Variants in BABAM2 observed in about 807,000 individuals in gnomAD.
BABAM2 encodes the protein BRISC and BRCA1-A complex member 2.
Under a neutral mutation model 54.7 loss-of-function variants are expected in BABAM2, and 31 were observed. The ratio of observed to expected loss-of-function variants is 0.57; its 90% CI spans 0.43 to 0.77. The LOEUF is 0.77. Among genes scored for constraint, BABAM2 ranks in the 30% least tolerant of loss-of-function variants. The pLI is 0.00. For synonymous variants in BABAM2, 167 were observed against 162.9 expected (o/e 1.03, Z -0.19); for missense variants, 364 against 455.8 (o/e 0.80, Z 1.83).
At chr2:28,050,209 A>T (rs550029049) in intron 6 of BABAM2, among the ~76,000 whole-genome samples, 4 of 152,340 alleles carry the variant, frequency 2.6e-5, no homozygotes, top group African/African-American at 9.6e-5. Context: ...TGTTGTTAAT[A>T]TGAAAAACTA....
chr2:27,986,995 T>G (rs1672443985), intron 3 of BABAM2, among the ~76,000 whole-genome samples: 1 of 152,200 alleles, frequency 6.6e-6, no homozygotes, highest in Non-Finnish European at 1.5e-5. Context: ...CTAAATTTGC[T>G]AATGAGACTT....
chr2:28,302,155 G>A (rs751638428), intron 11 of BABAM2, among the ~76,000 whole-genome samples: 13 of 152,206 alleles, frequency 8.5e-5, no homozygotes, highest in Middle Eastern at 3.4e-3. Context: ...CAGTCATCAC[G>A]TCTGTTCTCC....
chr2:28,127,251 A>G (rs560862398), intron 6 of BABAM2, among the ~76,000 whole-genome samples: 27 of 152,322 alleles, frequency 1.8e-4, no homozygotes, highest in Non-Finnish European at 3.4e-4. Flanking sequence ...GGAAGTGGCC[A>G]AAGAGACAAG....
intron 4 of BABAM2, among the ~76,000 whole-genome samples, chr2:28,020,875 G>T (rs1184834055): frequency 2.7e-5 from 4 of 150,696 alleles, no homozygotes; most frequent in Admixed American, 6.6e-5. Context: ...TTAGTTATTT[G>T]CAGATTAGCT....
chr2:28,172,674 A>G (rs1205694800), intron 7 of BABAM2, among the ~76,000 whole-genome samples: 1 of 152,176 alleles, frequency 6.6e-6, no homozygotes, highest in Non-Finnish European at 1.5e-5. Flanking sequence ...GGGTGTGCAT[A>G]TATGTGTAAT....
intron 5 of BABAM2, among the ~76,000 whole-genome samples, chr2:28,030,397 G>A (rs1676206263): frequency 1.3e-5 from 2 of 152,172 alleles, no homozygotes; most frequent in Non-Finnish European, 2.9e-5. Context: ...ATGGATTCAA[G>A]TGAAGTAAAG....
rs532300581 is a variant in BABAM2, at chr2:28,109,467, T to C, written c.571-19804T>C. 7.2e-5 allele frequency among the ~76,000 whole-genome samples: 11 copies of C among 152,220 alleles called. No individual in the cohort carries two copies. The South Asian group carries it at 2.3e-3, about 32-fold the overall frequency. On this transcript the variant is annotated intron_variant, in intron 6 of 11. Coordinates refer to ENST00000379624, the MANE Select transcript of BABAM2 (RefSeq NM_199191.3). ...CCTCCCAAAGTGCTGGGATTACAGG[T>C]GTGAGCCACCGCACCCTGCCAAGAC...
At position 28,125,300 on chromosome 2, in the gene BABAM2, A is replaced by AT. The variant is rs1486722258; in HGVS notation, c.571-3969dup. Among the ~76,000 whole-genome samples, 17 of 151,206 alleles carry AT rather than the reference A, an allele frequency of 1.1e-4. No individual in the cohort carries two copies. The East Asian group carries it at 1.9e-3, about 17-fold the overall frequency. On this transcript the variant is annotated intron_variant, in intron 6 of 11. Transcript: ENST00000379624. ...GTTATTTTTATTTTATTTTATTATTATTATTTTTTTTGAGACAGAGTCTCA... is the reference window on the plus strand; with the variant it reads ...GTTATTTTTATTTTATTTTATTATTATTTATTTTTTTTGAGACAGAGTCTCA...
At chr2:28,278,742 T>G (rs1461651847) in intron 10 of BABAM2, among the ~76,000 whole-genome samples, 1 of 152,140 alleles carries the variant, frequency 6.6e-6, no homozygotes, top group East Asian at 1.9e-4. Context: ...GGCGATGGGC[T>G]GAAGATTCCT....
chr2:27,922,203 G>A (rs1667389643), intron 2 of BABAM2, among the ~76,000 whole-genome samples: 2 of 152,152 alleles, frequency 1.3e-5, no homozygotes, highest in African/African-American at 4.8e-5. Flanking sequence ...ATGAGTGTTA[G>A]TAATATGCTA....
chr2:28,252,877 A>T (rs115169438), intron 10 of BABAM2, among the ~76,000 whole-genome samples: 1 of 152,242 alleles, frequency 6.6e-6, no homozygotes, highest in Non-Finnish European at 1.5e-5. Flanking sequence ...TTGACTTCTC[A>T]GTGATTTTTG....
intron 7 of BABAM2, among the ~76,000 whole-genome samples, chr2:28,231,864 G>GAGTACTCTAACCATTCTAATGCTT: frequency 7.7e-6 from 1 of 130,416 alleles, no homozygotes; most frequent in African/African-American, 2.8e-5. Flanking sequence ...CTAGAGTGCA[G>GAGTACTCTAACCATTCTAATGCTT]TGGTATAAGC....
In BABAM2 at chr2:28,338,517, A is replaced by G. The variant is rs1319487875; in HGVS notation, c.*4A>G. On this transcript the variant is annotated 3_prime_UTR_variant, in exon 12 of 12. Coordinates refer to ENST00000379624, the MANE Select transcript of BABAM2 (RefSeq NM_199191.3). ...ATTTGCCAATGGAAAGCTCTAGGAA[A>G]CACCAGTCTTGAGAGGTGGCCAGCC... 2.5e-6 allele frequency: 4 copies of G among 1,613,884 alleles called. No individual in the cohort carries two copies. In the Admixed American group the frequency reaches 5.0e-5, roughly 20 times the overall value.
At position 28,308,661 on chromosome 2, in the gene BABAM2, C is replaced by G. The variant is rs1405379561; in HGVS notation, c.1088+10170C>G. The stretch of plus-strand genomic sequence containing the variant: ...AAAACAAAAGCATAGGTCCTCTGAC[C>G]CTTCTGCACATCCACACCCAGGCAG... On this transcript the variant is annotated intron_variant, in intron 11 of 11. Transcript: ENST00000379624. 1.6e-5 allele frequency: 5 copies of G among 304,380 alleles called. No individual in the cohort carries two copies. In the Admixed American group the frequency reaches 1.7e-4, roughly 10 times the overall value. The allele number at this position is 304,380 out of a possible 1,614,324, so 18.9% of individuals were successfully genotyped here. A position where few individuals can be genotyped will look rare whatever the true frequency, so the allele number is the denominator to read the frequency against.
intron 4 of BABAM2, among the ~76,000 whole-genome samples, chr2:27,992,693 G>C (rs1672865266): frequency 6.6e-6 from 1 of 152,174 alleles, no homozygotes; most frequent in Admixed American, 6.5e-5. Flanking sequence ...GAAGTTAAGT[G>C]ATGGGTAGGT....
At chr2:28,172,253 C>T (rs1449930113) in intron 7 of BABAM2, among the ~76,000 whole-genome samples, 1 of 152,094 alleles carries the variant, frequency 6.6e-6, no homozygotes, top group African/African-American at 2.4e-5. Flanking sequence ...GTAGTTTTGT[C>T]CTCCCTATCT....
intron 7 of BABAM2, among the ~76,000 whole-genome samples, chr2:28,141,775 C>T (rs1332482525): frequency 6.6e-6 from 1 of 152,102 alleles, no homozygotes; most frequent in Non-Finnish European, 1.5e-5. Context: ...TCCATCTAGA[C>T]AATGATCAAT....
intron 7 of BABAM2, among the ~76,000 whole-genome samples, chr2:28,212,634 A>G (rs951415010): frequency 9.9e-5 from 15 of 152,156 alleles, no homozygotes; most frequent in Non-Finnish European, 1.5e-4. Flanking sequence ...CTTGATAAGT[A>G]TATATTCTTT....
chr2:28,228,997 C>T (rs775583579), intron 7 of BABAM2, among the ~76,000 whole-genome samples: 3 of 152,194 alleles, frequency 2.0e-5, no homozygotes, highest in Non-Finnish European at 4.4e-5. Flanking sequence ...TCTTTGCTTG[C>T]ATTCCACCTT....
Sources: gnomAD v4.1 joint callset for allele counts (sites outside exome capture counted in the v4.1 genomes callset) on GRCh38, gnomAD v4.1.1 for gene constraint, MANE v1.5 for transcripts, NCBI Gene and HGNC (gene_info 2026-07-23, HGNC 2026-07-21) for gene names.